The following ITGA8 variants were observed in gnomAD, a reference collection of about 807,000 sequenced individuals.
The protein encoded by ITGA8 is integrin alpha-8.
ITGA8 carries 91 observed loss-of-function variants against 142.3 expected under a neutral mutation model. The observed-to-expected ratio is 0.64, with a 90% CI of 0.54 to 0.76. The LOEUF (loss-of-function observed/expected upper bound fraction) is 0.76. Among genes scored for constraint, ITGA8 ranks in the 30% least tolerant of loss-of-function variants. ITGA8 has a pLI of 0.00. For synonymous variants in ITGA8, 505 were observed against 485.2 expected, an observed-to-expected ratio of 1.04 and a Z score of -0.54; for missense variants, 1,406 against 1,327.7, an observed-to-expected ratio of 1.06 and a Z score of -0.92.
chr10:15,659,717 A>G (rs9333123), intron 9 of ITGA8, among the ~76,000 whole-genome samples: 1,992 of 152,328 alleles, frequency 0.013, 30 homozygotes, highest in African/African-American at 0.044. Flanking sequence ...CCATCCGGGT[A>G]GGCTCTAAAT....
At chr10:15,620,542 G>A (rs980704505) in intron 13 of ITGA8, among the ~76,000 whole-genome samples, 1 of 152,190 alleles carries the variant, frequency 6.6e-6, no homozygotes, top group Non-Finnish European at 1.5e-5. Context: ...TCATGAGAAT[G>A]TGGTCACGGT....
chr10:15,658,644 AGAGGCCTCCT>A (rs1834230353), intron 10 of ITGA8, among the ~76,000 whole-genome samples: 1 of 152,160 alleles, frequency 6.6e-6, no homozygotes, highest in South Asian at 2.1e-4. Flanking sequence ...TTGGCACCTC[AGAGGCCTCCT>A]GATCACCCCA....
intron 25 of ITGA8, among the ~76,000 whole-genome samples, chr10:15,559,809 A>G (rs1833943753): frequency 1.1e-5 from 1 of 87,894 alleles, no homozygotes; most frequent in African/African-American, 4.6e-5. Context: ...TACATCACAC[A>G]CTGGGGCCTG....
chr10:15,550,753 C>T (rs1171228556), intron 26 of ITGA8, among the ~76,000 whole-genome samples: 1 of 151,960 alleles, frequency 6.6e-6, no homozygotes, highest in Non-Finnish European at 1.5e-5. Flanking sequence ...AGATTTTATT[C>T]AGAAGGCACT....
intron 19 of ITGA8, 93 bp downstream of exon 19, chr10:15,605,631 T>C (rs902087016): frequency 1.0e-6 from 1 of 995,844 alleles, no homozygotes; most frequent in African/African-American, 1.6e-5. Context: ...TTTTTGGTAG[T>C]TATTGGAAGT....
intron 8 of ITGA8, among the ~76,000 whole-genome samples, chr10:15,670,074 G>T (rs148293821): frequency 6.6e-6 from 1 of 152,126 alleles, no homozygotes; most frequent in African/African-American, 2.4e-5. Flanking sequence ...CATCTTCTGC[G>T]TCGCTCATGC....
At chr10:15,683,656 T>TTTTG (rs1421250981) in intron 4 of ITGA8, among the ~76,000 whole-genome samples, 2 of 152,174 alleles carry the variant, frequency 1.3e-5, no homozygotes, top group Non-Finnish European at 2.9e-5. Flanking sequence ...GCTAACACCG[T>TTTTG]TTTGGCAATA....
At chr10:15,541,802 G>GTT (rs11318792) in intron 27 of ITGA8, among the ~76,000 whole-genome samples, 19 of 144,978 alleles carry the variant, frequency 1.3e-4, no homozygotes, top group South Asian at 4.4e-4. Context: ...AACCTCACAA[G>GTT]TTTTTTTTTT....
intron 22 of ITGA8, among the ~76,000 whole-genome samples, chr10:15,590,279 T>C (rs1316453211): frequency 6.6e-6 from 1 of 152,210 alleles, no homozygotes; most frequent in African/African-American, 2.4e-5. Flanking sequence ...TTACAGCAAA[T>C]TCGGCACTTC....
intron 13 of ITGA8, among the ~76,000 whole-genome samples, chr10:15,637,989 A>G (rs1444540103): frequency 1.3e-5 from 2 of 152,098 alleles, no homozygotes; most frequent in Non-Finnish European, 2.9e-5. Context: ...TAAGCACTGT[A>G]TTTACCTTCT....
chr10:15,575,395 T>C, intron 24 of ITGA8, 94 bp downstream of exon 24: 2 of 902,928 alleles, frequency 2.2e-6, no homozygotes, highest in Non-Finnish European at 3.6e-6. Context: ...GTCTCAATAA[T>C]AATAATGATA....
intron 2 of ITGA8, among the ~76,000 whole-genome samples, chr10:15,694,136 G>A (rs1472392035): frequency 7.1e-6 from 1 of 141,514 alleles, no homozygotes; most frequent in Non-Finnish European, 1.5e-5. Context: ...ATATTATATA[G>A]ATAATATATC....
chr10:15,526,314 T>C lies in ITGA8; in HGVS notation c.2982+4736A>G, dbSNP rs140699174. On this transcript the variant is annotated intron_variant, in intron 28 of 29. Coordinates refer to ENST00000378076, the MANE Select transcript of ITGA8 (RefSeq NM_003638.3). The stretch of plus-strand genomic sequence containing the variant: ...GCCTCAGCCTCCCGAGTAGCTGGGA[T>C]TACAGGCATGCGCCACCATGCCTGG... Among the ~76,000 whole-genome samples the C allele has an allele frequency of 5.6e-3, 849 of 152,172 alleles. 4 individuals are homozygous for C. The highest frequency in any genetic ancestry group is 8.6e-3 in the Admixed American group (131 of 15,274).
At position 15,653,401 on chromosome 10, in the gene ITGA8, G is replaced by A. The variant is rs535145893; in HGVS notation, c.1001+1953C>T. On this transcript the variant is annotated intron_variant, in intron 11 of 29. Coordinates refer to ENST00000378076, the MANE Select transcript of ITGA8 (RefSeq NM_003638.3). The stretch of plus-strand genomic sequence containing the variant: ...GATTCAAAGCAAATTTGAGCAGAAA[G>A]TACAGAGTTCTCCCATTACCCTCTC... 2.6e-5 allele frequency among the ~76,000 whole-genome samples: 4 copies of A among 152,280 alleles called. No homozygotes were observed. The East Asian group carries it at 7.7e-4, about 29-fold the overall frequency.
intron 27 of ITGA8, among the ~76,000 whole-genome samples, chr10:15,532,447 G>T (rs78165215): frequency 2.0e-5 from 1 of 51,214 alleles, no homozygotes; most frequent in African/African-American, 9.1e-5. Context: ...AAAAAAAAAA[G>T]CCTCTAGTTA....
In ITGA8 at chr10:15,616,543, T is replaced by G. The variant is rs1833394929; in HGVS notation, c.1416A>C (p.Ala472=). 1 of 1,612,198 alleles carries G rather than the reference T, an allele frequency of 6.2e-7. No individual in the cohort carries two copies. The highest frequency in any genetic ancestry group is 8.5e-7 in the Non-Finnish European group (1 of 1,179,342). The part of the protein sequence containing the change: ...KNDYPDLIVG[A]FGTGKVAVYR... Reference sequence around the variant, plus strand: ...AAACAGCGACTTTTCCTGTTCCAAATGCACCCACAATCAAATCTTAAAAAG... The same window carrying G: ...AAACAGCGACTTTTCCTGTTCCAAAGGCACCCACAATCAAATCTTAAAAAG... Residue 472 remains alanine, a synonymous_variant, in exon 14 of 30, where the codon GCA becomes GCC. Transcript: ENST00000378076.
intron 2 of ITGA8, among the ~76,000 whole-genome samples, chr10:15,705,004 G>GTTGTTGT (rs1554789664): frequency 5.5e-4 from 83 of 151,826 alleles, no homozygotes; most frequent in African/African-American, 1.9e-3. Context: ...TGTTGTTGTT[G>GTTGTTGT]TTGTTTGTTT....
chr10:15,611,080 T>A (rs941445894), intron 15 of ITGA8, among the ~76,000 whole-genome samples: 2 of 152,236 alleles, frequency 1.3e-5, no homozygotes, highest in Admixed American at 6.5e-5. Flanking sequence ...GTAGAGTTTA[T>A]GTGATAGTTT....
chr10:15,689,153 C>T (rs890954879), intron 2 of ITGA8, among the ~76,000 whole-genome samples: 2 of 152,080 alleles, frequency 1.3e-5, no homozygotes, highest in Non-Finnish European at 1.5e-5. Flanking sequence ...TGGCAGGACA[C>T]AAAATCAACA....
Sources: gnomAD v4.1 joint callset for allele counts (sites outside exome capture counted in the v4.1 genomes callset) on GRCh38, gnomAD v4.1.1 for gene constraint, MANE v1.5 for transcripts, NCBI Gene and HGNC (gene_info 2026-07-23, HGNC 2026-07-21) for gene names.